Variants in CTXN2 observed in about 807,000 individuals in gnomAD.
The protein encoded by CTXN2 is cortexin-2.
In CTXN2, 3 loss-of-function variants were observed where a neutral mutation model predicts 5.7. The observed-to-expected ratio is 0.53, with a 90% CI of 0.24 to 1.36. The LOEUF is 1.36. Among genes scored for constraint, CTXN2 ranks in the 40% most tolerant of loss-of-function variants. The pLI, the probability that CTXN2 is intolerant of heterozygous loss-of-function variation, is 0.17. For missense variants in CTXN2, 87 were observed against 93.0 expected (o/e 0.94, Z 0.26); for synonymous variants, 38 against 36.4 (o/e 1.04, Z -0.16).
At chr15:48,198,655 C>T (rs1567295252) in intron 1 of CTXN2, among the ~76,000 whole-genome samples, 1 of 152,090 alleles carries the variant, frequency 6.6e-6, no homozygotes. Flanking sequence ...TTATTGCTGC[C>T]TCTAAAAAAT....
upstream of CTXN2, chr15:48,189,381 C>A (rs1417962689): frequency 1.3e-5 from 2 of 152,190 alleles, no homozygotes; most frequent in Non-Finnish European, 2.9e-5. Flanking sequence ...TGGGCATTTA[C>A]CATGGAGCCA....
At chr15:48,194,498 C>T (rs1235284899) in intron 1 of CTXN2, among the ~76,000 whole-genome samples, 1 of 152,128 alleles carries the variant, frequency 6.6e-6, no homozygotes, top group Non-Finnish European at 1.5e-5. Flanking sequence ...ATTCTGAATG[C>T]CAACCATAAG....
chr15:48,180,704 G>T (rs1438059763), intron 1 of CTXN2, among the ~76,000 whole-genome samples: 1 of 152,188 alleles, frequency 6.6e-6, no homozygotes, highest in African/African-American at 2.4e-5. Context: ...GTAGAAACAG[G>T]TTTCACCGTG....
rs1303565489 is a variant in CTXN2 at position 48,203,287 on chromosome 15, T to G, written c.*1741T>G. The G allele has an allele frequency of 6.0e-6, 1 of 167,108 alleles. No homozygotes were observed. The highest frequency in any genetic ancestry group is 1.5e-5 in the Non-Finnish European group (1 of 68,142). The allele number at this position is 167,108 out of a possible 1,614,324, so 10.4% of individuals were successfully genotyped here. Reference sequence around the variant, plus strand: ...CTGTGAGATTCCTTGATGCTTTCCATCTCATAATAGATTTAGAACATATCT... The same window carrying G: ...CTGTGAGATTCCTTGATGCTTTCCAGCTCATAATAGATTTAGAACATATCT... On this transcript the variant is annotated 3_prime_UTR_variant, in exon 2 of 2. Coordinates refer to ENST00000417307, the MANE Select transcript of CTXN2 (RefSeq NM_001145668.2).
upstream of CTXN2, chr15:48,190,791 C>G (rs1317121537): frequency 6.6e-6 from 1 of 152,188 alleles, no homozygotes; most frequent in Non-Finnish European, 1.5e-5. Context: ...TTTGTTGAAA[C>G]GGCCAGACCC....
chr15:48,182,901 TAAC>T (rs2040712134), intron 1 of CTXN2, among the ~76,000 whole-genome samples: 1 of 152,166 alleles, frequency 6.6e-6, no homozygotes. Flanking sequence ...CTCTGACCTG[TAAC>T]AACAAGATAA....
At position 48,201,336 on chromosome 15, in the gene CTXN2, G is replaced by T; in HGVS notation, c.36G>T (p.Lys12Asn). The change falls in exon 2 of 2, where the codon AAG becomes AAT. Residue 12 changes from lysine (K) to asparagine (N), a missense_variant. Lys to Asn is a moderately conservative substitution (Grantham distance 94). Coordinates refer to ENST00000417307, the MANE Select transcript of CTXN2 (RefSeq NM_001145668.2). Reference sequence around the variant, plus strand: ...CCTACTGTGGCAACTCTTCAGCTAAGATGAGTGTCAACGAAGTATCAGCTT... The same window carrying T: ...CCTACTGTGGCAACTCTTCAGCTAATATGAGTGTCAACGAAGTATCAGCTT... ...SSTYCGNSSA[K>N]MSVNEVSAFS... 1 of 1,551,328 alleles carries T rather than the reference G, an allele frequency of 6.4e-7. No homozygotes were observed. Among genetic ancestry groups the T allele is most frequent in the Non-Finnish European group, 8.7e-7 (1 of 1,146,684 alleles).
intron 1 of CTXN2, among the ~76,000 whole-genome samples, chr15:48,183,959 T>A (rs970206931): frequency 1.3e-5 from 2 of 152,252 alleles, no homozygotes; most frequent in African/African-American, 2.4e-5. Flanking sequence ...TCTTCCCAAG[T>A]GCCTTTGCTT....
upstream of CTXN2, among the ~76,000 whole-genome samples, chr15:48,189,835 G>A (rs567553032): frequency 2.6e-5 from 4 of 152,166 alleles, no homozygotes; most frequent in Non-Finnish European, 5.9e-5. Context: ...TTGAGACAAT[G>A]TCTCGCTCTG....
In CTXN2 at chr15:48,201,425, G is replaced by A; in HGVS notation, c.125G>A (p.Gly42Glu). 6.4e-7 allele frequency: 1 copy of A among 1,551,370 alleles called. No homozygotes were observed. The highest frequency in any genetic ancestry group is 1.4e-5 in the African/African-American group (1 of 73,138). Reference sequence around the variant, plus strand: ...GTTGGGATTTTGTGTATCTTCTTGGGACTTCTTATTATCCGATGCTTCAAA... The same window carrying A: ...GTTGGGATTTTGTGTATCTTCTTGGAACTTCTTATTATCCGATGCTTCAAA... Reference protein sequence around the residue: ...AFVGILCIFLGLLIIRCFKIL... With the variant: ...AFVGILCIFLELLIIRCFKIL... Residue 42 changes from glycine to glutamate, a missense_variant, in exon 2 of 2, where the codon GGA (glycine) becomes GAA (glutamate). Coordinates refer to ENST00000417307, the MANE Select transcript of CTXN2 (RefSeq NM_001145668.2).
At chr15:48,194,630 C>T (rs2040859993) in intron 1 of CTXN2, among the ~76,000 whole-genome samples, 1 of 152,136 alleles carries the variant, frequency 6.6e-6, no homozygotes, top group African/African-American at 2.4e-5. Context: ...CAGATTTACT[C>T]ATGATTCATC....
chr15:48,199,069 G>A (rs1217545075), intron 1 of CTXN2, among the ~76,000 whole-genome samples: 1 of 152,110 alleles, frequency 6.6e-6, no homozygotes, highest in Non-Finnish European at 1.5e-5. Flanking sequence ...AAACAGGAGT[G>A]GCCAGAAATT....
intron 1 of CTXN2, among the ~76,000 whole-genome samples, chr15:48,178,952 A>G (rs2040656612): frequency 6.6e-6 from 1 of 151,814 alleles, no homozygotes; most frequent in Non-Finnish European, 1.5e-5. Context: ...TGGGGAATCC[A>G]TAATTATAAA....
At chr15:48,189,518 A>C (rs1360983163), upstream of CTXN2, 1 of 152,210 alleles carries the variant, frequency 6.6e-6, no homozygotes, top group African/African-American at 2.4e-5. Context: ...GCCTGCAAAG[A>C]GAATGAATGG....
upstream of CTXN2, among the ~76,000 whole-genome samples, chr15:48,186,952 A>G (rs1007194980): frequency 5.9e-5 from 9 of 151,860 alleles, no homozygotes; most frequent in African/African-American, 1.7e-4. Flanking sequence ...AAGCCATTCA[A>G]TACTTCGTTG....
chr15:48,186,595 G>T (rs942836609), intron 1 of CTXN2, among the ~76,000 whole-genome samples: 1 of 152,072 alleles, frequency 6.6e-6, no homozygotes, highest in Non-Finnish European at 1.5e-5. Context: ...AACTAATGGG[G>T]TGGCTTTAAA....
chr15:48,203,237 T>TATGGAATTCC lies in CTXN2; in HGVS notation c.*1693_*1702dup, dbSNP rs1237593759. 1 of 167,146 alleles carries TATGGAATTCC rather than the reference T, an allele frequency of 6.0e-6. No individual in the cohort carries two copies. Among genetic ancestry groups the TATGGAATTCC allele is most frequent in the Non-Finnish European group, 1.5e-5 (1 of 68,144 alleles). 10.4% of individuals were successfully genotyped at this position (167,146 alleles called of 1,614,324 possible). On this transcript the variant is annotated 3_prime_UTR_variant, in exon 2 of 2. Transcript: ENST00000417307. Reference sequence around the variant, plus strand: ...TATAGGCATGGTTACTGCTCAGGTCTATGGAATTCCAAAACCAGCTGTCTC... The same window carrying TATGGAATTCC: ...TATAGGCATGGTTACTGCTCAGGTCTATGGAATTCCATGGAATTCCAAAACCAGCTGTCTC...
intron 1 of CTXN2, among the ~76,000 whole-genome samples, chr15:48,200,741 G>A (rs946693001): frequency 1.3e-5 from 2 of 152,072 alleles, no homozygotes; most frequent in African/African-American, 4.8e-5. Flanking sequence ...AAACCTAAGG[G>A]GATGAAAAGA....
chr15:48,199,303 T>C (rs2040908311), intron 1 of CTXN2, among the ~76,000 whole-genome samples: 2 of 152,190 alleles, frequency 1.3e-5, no homozygotes, highest in African/African-American at 4.8e-5. Context: ...AGCTGAAGAC[T>C]GTTTGCTGCC....
Sources: gnomAD v4.1 joint callset for allele counts (sites outside exome capture counted in the v4.1 genomes callset) on GRCh38, gnomAD v4.1.1 for gene constraint, MANE v1.5 for transcripts, NCBI Gene and HGNC (gene_info 2026-07-23, HGNC 2026-07-21) for gene names.